GABRA3: variants seen among roughly 807,000 people sequenced by gnomAD.
The protein encoded by GABRA3 is gamma-aminobutyric acid receptor subunit alpha-3.
Under a neutral mutation model 30.1 loss-of-function variants are expected in GABRA3, and 10 were observed. The observed-to-expected ratio is 0.33, with a 90% CI of 0.20 to 0.56. The LOEUF is 0.56. Among genes scored for constraint, GABRA3 ranks in the 20% least tolerant of loss-of-function variants. The probability of loss-of-function intolerance (pLI) is 0.89; values close to 1 mark genes in which losing one functional copy is unlikely to be tolerated. For synonymous variants in GABRA3, 151 were observed against 146.8 expected (o/e 1.03, Z -0.21); for missense variants, 233 against 392.0 (o/e 0.59, Z 3.42).
chrX:152,412,915 G>C (rs1031436898), intron 1 of GABRA3, among the ~76,000 whole-genome samples: 5 of 111,195 alleles, frequency 4.5e-5, no homozygotes, highest in African/African-American at 1.6e-4. Context: ...TTCAGAGGAG[G>C]AGGAGAGAGA....
chrX:152,294,383 C>T (rs2124447786), intron 3 of GABRA3, among the ~76,000 whole-genome samples: 1 of 111,201 alleles, frequency 9.0e-6, no homozygotes, highest in East Asian at 2.9e-4. Context: ...ATTTGATCTT[C>T]AATCACCGAT....
At chrX:152,180,325 CTA>C (rs1188433094) in intron 9 of GABRA3, among the ~76,000 whole-genome samples, 19 of 111,978 alleles carry the variant, frequency 1.7e-4, no homozygotes, top group South Asian at 3.7e-4. Context: ...AAAAATATAA[CTA>C]TTATCTAGCT....
intron 4 of GABRA3, among the ~76,000 whole-genome samples, chrX:152,260,468 C>A (rs1001082207): frequency 9.0e-6 from 1 of 110,851 alleles, no homozygotes; most frequent in Non-Finnish European, 1.9e-5. Context: ...TGACCCAGCA[C>A]AGTCATAGTG....
chrX:152,423,654 C>T (rs905356471), intron 1 of GABRA3, among the ~76,000 whole-genome samples: 2 of 111,330 alleles, frequency 1.8e-5, no homozygotes, highest in Non-Finnish European at 1.9e-5. Context: ...TTACACTTCT[C>T]TGTAACAAAA....
intron 3 of GABRA3, 97 bp downstream of exon 3, chrX:152,345,484 G>A (rs1940376975): frequency 1.1e-6 from 1 of 928,206 alleles, no homozygotes; most frequent in Non-Finnish European, 1.5e-6. Context: ...AATCTCATTG[G>A]CCAATAGACT....
At chrX:152,375,650 C>T in intron 1 of GABRA3, among the ~76,000 whole-genome samples, 1 of 111,909 alleles carries the variant, frequency 8.9e-6, no homozygotes, top group Non-Finnish European at 1.9e-5. Context: ...GTCTAGAAAC[C>T]CTATTTGGGA....
intron 5 of GABRA3, among the ~76,000 whole-genome samples, chrX:152,226,247 G>C (rs1365761666): frequency 2.1e-4 from 23 of 111,643 alleles, no homozygotes; most frequent in Non-Finnish European, 5.6e-5. Context: ...GTTAATGAGA[G>C]TGAGATACCA....
chrX:152,401,040 A>G (rs909316301), intron 1 of GABRA3, among the ~76,000 whole-genome samples: 1 of 111,569 alleles, frequency 9.0e-6, no homozygotes. Context: ...TAGCCCTTAC[A>G]ATATTTTGAC....
chrX:152,425,152 G>C (rs1930487846), intron 1 of GABRA3, among the ~76,000 whole-genome samples: 1 of 106,961 alleles, frequency 9.3e-6, no homozygotes, highest in Non-Finnish European at 1.9e-5. Flanking sequence ...GCCTAGGTTG[G>C]TATCAAACTC....
chrX:152,416,963 G>A, intron 1 of GABRA3, among the ~76,000 whole-genome samples: 1 of 105,273 alleles, frequency 9.5e-6, no homozygotes, highest in Middle Eastern at 4.7e-3. Flanking sequence ...ACATAGGCAT[G>A]GGCAAGGACT....
chrX:152,221,287 T>G (rs1207100922), intron 6 of GABRA3, among the ~76,000 whole-genome samples: 1 of 110,812 alleles, frequency 9.0e-6, no homozygotes, highest in Non-Finnish European at 1.9e-5. Flanking sequence ...AATTTATTTT[T>G]GTTTATCATG....
intron 1 of GABRA3, among the ~76,000 whole-genome samples, chrX:152,445,313 A>G (rs1298784920): frequency 9.0e-6 from 1 of 110,583 alleles, no homozygotes; most frequent in Admixed American, 9.7e-5. Flanking sequence ...CTGGACCATT[A>G]CATTTCAGAA....
At chrX:152,368,545 G>A (rs1339962626) in intron 1 of GABRA3, among the ~76,000 whole-genome samples, 3 of 110,428 alleles carry the variant, frequency 2.7e-5, no homozygotes, top group Non-Finnish European at 3.8e-5. Flanking sequence ...ATGCATTAAT[G>A]GACATTTAAG....
chrX:152,343,431 G>A (rs1272047715), intron 3 of GABRA3, among the ~76,000 whole-genome samples: 3 of 99,124 alleles, frequency 3.0e-5, no homozygotes, highest in Non-Finnish European at 6.0e-5. Context: ...CATATTAATT[G>A]TTCCAACCTC....
At chrX:152,186,739 A>AC (rs1434492041) in intron 9 of GABRA3, 2 of 107,878 alleles carry the variant, frequency 1.9e-5, no homozygotes, top group Non-Finnish European at 3.8e-5. Context: ...CTCCCACCTC[A>AC]CCCTCCTGAC....
chrX:152,311,091 C>T (rs1391343147), intron 3 of GABRA3, among the ~76,000 whole-genome samples: 1 of 111,165 alleles, frequency 9.0e-6, no homozygotes, highest in Admixed American at 9.6e-5. Context: ...CCAGAAAAAG[C>T]CCTGGACCAG....
chrX:152,438,231 G>T (rs975168829), intron 1 of GABRA3, among the ~76,000 whole-genome samples: 1 of 111,805 alleles, frequency 8.9e-6, no homozygotes, highest in Admixed American at 9.5e-5. Flanking sequence ...TGTCGCTAGG[G>T]AATTGAAGAC....
chrX:152,375,867 A>C (rs1160031233), intron 1 of GABRA3, among the ~76,000 whole-genome samples: 1 of 112,046 alleles, frequency 8.9e-6, no homozygotes, highest in Non-Finnish European at 1.9e-5. Flanking sequence ...ATATTCTTTC[A>C]GTACAAAGTC....
chrX:152,234,347 C>T (rs1863151383), intron 5 of GABRA3, among the ~76,000 whole-genome samples: 1 of 111,044 alleles, frequency 9.0e-6, no homozygotes, highest in African/African-American at 3.3e-5. Flanking sequence ...TTTGTTTAAG[C>T]TCCTTATAGA....
Sources: gnomAD v4.1 joint callset for allele counts (sites outside exome capture counted in the v4.1 genomes callset) on GRCh38, gnomAD v4.1.1 for gene constraint, MANE v1.5 for transcripts, NCBI Gene and HGNC (gene_info 2026-07-23, HGNC 2026-07-21) for gene names.